The following KCNJ15 variants were observed in gnomAD, a reference collection of about 807,000 sequenced individuals.
The protein encoded by KCNJ15 is potassium inwardly rectifying channel subfamily J member 15, also known as ATP-sensitive inward rectifier potassium channel 15.
In KCNJ15, 14 loss-of-function variants were observed where a neutral mutation model predicts 23.0. The observed-to-expected ratio is 0.61, with a 90% CI of 0.40 to 0.95. The LOEUF is 0.95. Ranked by LOEUF, KCNJ15 falls within the 40% of genes least tolerant of loss-of-function variation. KCNJ15 has a pLI of 0.00. For synonymous variants in KCNJ15, 185 were observed against 183.2 expected (o/e 1.01, Z -0.08); for missense variants, 388 against 461.8 (o/e 0.84, Z 1.46).
Position 38,301,270 on chromosome 21 carries a change from G to C in KCNJ15, c.*881G>C, listed in dbSNP as rs1263468033. 6 of 167,128 alleles carry C rather than the reference G, an allele frequency of 3.6e-5. No individual in the cohort carries two copies. Among genetic ancestry groups the C allele is most frequent in the Non-Finnish European group, 8.8e-5 (6 of 68,136 alleles). 10.4% of individuals were successfully genotyped at this position (167,128 alleles called of 1,614,324 possible). On this transcript the variant is annotated 3_prime_UTR_variant, in exon 3 of 3. Coordinates refer to ENST00000398938, the MANE Select transcript of KCNJ15 (RefSeq NM_170736.3). ...AAGTTCGAAAGCTGTGCTCTGGACAGTGTTCTCAAAGCAACTTTCTGAAGC... is the reference window on the plus strand; with the variant it reads ...AAGTTCGAAAGCTGTGCTCTGGACACTGTTCTCAAAGCAACTTTCTGAAGC...
chr21:38,299,435 T>G lies in KCNJ15; in HGVS notation c.174T>G (p.Val58=). ...ACCTGCAAGACCTGTGGACCACAGT[T>G]ATCGACATGAAGTGGAGATACAAAC... ...LLYLQDLWTT[V]IDMKWRYKLT... Residue 58 remains valine, a synonymous_variant, in exon 3 of 3, where the codon GTT becomes GTG. Coordinates refer to ENST00000398938, the MANE Select transcript of KCNJ15 (RefSeq NM_170736.3). This position sits in a 1 kb window ranked among gnomAD's most constrained non-coding sequence, Gnocchi z 4.5. 1 of 1,614,182 alleles carries G rather than the reference T, an allele frequency of 6.2e-7. No homozygotes were observed. Among genetic ancestry groups the G allele is most frequent in the South Asian group, 1.1e-5 (1 of 91,086 alleles).
upstream of KCNJ15, among the ~76,000 whole-genome samples, chr21:38,255,864 C>G (rs1277207380): frequency 6.6e-6 from 1 of 152,198 alleles, no homozygotes; most frequent in Admixed American, 6.5e-5. Flanking sequence ...CCTGTCTGCT[C>G]TATGTCAAAC....
intron 1 of KCNJ15, among the ~76,000 whole-genome samples, chr21:38,271,591 C>T (rs1039200693): frequency 6.6e-6 from 1 of 152,210 alleles, no homozygotes; most frequent in Non-Finnish European, 1.5e-5. Flanking sequence ...CTGGAGCTCT[C>T]TCATTGCTAA....
intron 1 of KCNJ15, among the ~76,000 whole-genome samples, chr21:38,244,915 G>A (rs1979257674): frequency 1.3e-5 from 2 of 152,198 alleles, no homozygotes; most frequent in African/African-American, 4.8e-5. Context: ...TGTAATCAAC[G>A]AACCAGATTG....
At chr21:38,241,898 G>A (rs1254562311) in intron 1 of KCNJ15, among the ~76,000 whole-genome samples, 2 of 151,334 alleles carry the variant, frequency 1.3e-5, no homozygotes, top group Non-Finnish European at 2.9e-5. Context: ...GAACCAGGGA[G>A]GTGGAAGTTG....
rs917655805 is a variant in KCNJ15 at position 38,306,747 on chromosome 21, A to G, written c.*6358A>G. ...GCCGACTTGGATCCATTTTTGAGGA[A>G]TTATTTCTGTAAGGTGTCATGGAAT... is the stretch of plus-strand genomic sequence containing the variant. On this transcript the variant is annotated 3_prime_UTR_variant, in exon 3 of 3. Transcript: ENST00000398938. 18 of 152,340 alleles carry G rather than the reference A, an allele frequency of 1.2e-4. No homozygotes were observed. The highest frequency in any genetic ancestry group is 3.4e-3 in the Middle Eastern group (1 of 294). 9.4% of individuals were successfully genotyped at this position (152,340 alleles called of 1,614,324 possible).
At position 38,243,913 on chromosome 21, in the gene KCNJ15, A is replaced by G. The variant is rs56309122; in HGVS notation, c.-398-13133A>G. Among the ~76,000 whole-genome samples the G allele has an allele frequency of 5.3e-3, 809 of 152,328 alleles. 7 individuals are homozygous for G. Among genetic ancestry groups the G allele is most frequent in the African/African-American group, 0.019 (770 of 41,574 alleles). ...AGACGGTTATTGTCATAAAATAACCATTTTCTAAAAACGAACTCTTTGTTT... is the reference window on the plus strand; with the variant it reads ...AGACGGTTATTGTCATAAAATAACCGTTTTCTAAAAACGAACTCTTTGTTT... On this transcript the variant is annotated intron_variant, in intron 1 of 4. Transcript: ENST00000547341.
chr21:38,291,695 G>T (rs1984626163), intron 1 of KCNJ15: 1 of 152,186 alleles, frequency 6.6e-6, no homozygotes, highest in African/African-American at 2.4e-5. Flanking sequence ...GAAATTATCA[G>T]AACTACAGAC....
At chr21:38,253,008 C>G (rs1193106951), upstream of KCNJ15, among the ~76,000 whole-genome samples, 1 of 152,186 alleles carries the variant, frequency 6.6e-6, no homozygotes, top group Non-Finnish European at 1.5e-5. Flanking sequence ...TGCATGCTCC[C>G]ATCACCCTTT....
chr21:38,252,740 G>A (rs1433203991), upstream of KCNJ15, among the ~76,000 whole-genome samples: 1 of 152,190 alleles, frequency 6.6e-6, no homozygotes, highest in Non-Finnish European at 1.5e-5. Flanking sequence ...ATTAGGGGTA[G>A]TAATAGCACC....
At chr21:38,243,502 A>AT (rs1161404120) in intron 1 of KCNJ15, among the ~76,000 whole-genome samples, 2 of 151,912 alleles carry the variant, frequency 1.3e-5, no homozygotes, top group Non-Finnish European at 2.9e-5. Context: ...GCTCACTGCA[A>AT]CCCCCACCTC....
chr21:38,230,390 G>A (rs903671287), intron 1 of KCNJ15, among the ~76,000 whole-genome samples: 5 of 151,848 alleles, frequency 3.3e-5, no homozygotes, highest in Admixed American at 2.6e-4. Context: ...TATTTTTATT[G>A]TTAAGTTGTT....
chr21:38,254,016 C>G (rs1039271876), upstream of KCNJ15, among the ~76,000 whole-genome samples: 2 of 152,190 alleles, frequency 1.3e-5, no homozygotes, highest in African/African-American at 4.8e-5. Flanking sequence ...ATCTTATACA[C>G]TAGATTTCCC....
At chr21:38,254,070 T>C (rs1054290977), upstream of KCNJ15, among the ~76,000 whole-genome samples, 9 of 152,250 alleles carry the variant, frequency 5.9e-5, no homozygotes, top group Admixed American at 1.3e-4. Flanking sequence ...ATTTTACTCA[T>C]TGGATGAGAG....
chr21:38,287,145 C>G (rs1437046543), intron 1 of KCNJ15, among the ~76,000 whole-genome samples: 1 of 151,982 alleles, frequency 6.6e-6, no homozygotes, highest in African/African-American at 2.4e-5. Flanking sequence ...ACTAGTCCAC[C>G]AAAAAAGACC....
intron 1 of KCNJ15, among the ~76,000 whole-genome samples, chr21:38,275,486 C>G (rs1004397260): frequency 7.2e-6 from 1 of 139,372 alleles, no homozygotes; most frequent in African/African-American, 2.7e-5. Flanking sequence ...CACTCCACTG[C>G]ACTCCAGCCT....
At chr21:38,248,942 T>C (rs1979639914) in intron 1 of KCNJ15, among the ~76,000 whole-genome samples, 1 of 152,162 alleles carries the variant, frequency 6.6e-6, no homozygotes, top group Non-Finnish European at 1.5e-5. Context: ...AAACTGTTTT[T>C]CTCAGTTCAC....
At chr21:38,283,645 T>G (rs986226065) in intron 1 of KCNJ15, among the ~76,000 whole-genome samples, 1 of 152,200 alleles carries the variant, frequency 6.6e-6, no homozygotes, top group South Asian at 2.1e-4. Context: ...TATTAAGTCT[T>G]AAAAGTAGAC....
chr21:38,294,656 ACTACCCTTCCATTTC>A (rs72023978), intron 1 of KCNJ15, among the ~76,000 whole-genome samples: 20,641 of 152,184 alleles, frequency 0.14, 1,562 homozygotes, highest in East Asian at 0.31. Flanking sequence ...GGCAATGGGT[ACTACCCTTCCATTTC>A]CCATTATCCT....
Sources: allele counts gnomAD v4.1 joint callset (sites outside exome capture counted in the v4.1 genomes callset), GRCh38; gene constraint gnomAD v4.1.1; non-coding constraint Gnocchi (gnomAD v3.1); transcripts MANE v1.5; gene names NCBI Gene and HGNC (gene_info 2026-07-23, HGNC 2026-07-21).